PDK2: variants seen among roughly 807,000 people sequenced by gnomAD.
PDK2 encodes the protein pyruvate dehydrogenase kinase, isozyme 2.
PDK2 carries 34 observed loss-of-function variants against 50.4 expected under a neutral mutation model. That is an observed-to-expected ratio of 0.68 (90% CI 0.51 to 0.90). The LOEUF is 0.90. Ranked by LOEUF, PDK2 falls within the 40% of genes least tolerant of loss-of-function variation. PDK2 has a pLI of 0.00. For missense variants in PDK2, 377 were observed against 544.5 expected (o/e 0.69, Z 3.06); for synonymous variants, 232 against 216.0 (o/e 1.07, Z -0.65).
intron 1 of PDK2, among the ~76,000 whole-genome samples, 193 bp from the exon 2 acceptor site, chr17:50,097,230 C>T (rs1271831276): frequency 1.3e-5 from 2 of 152,164 alleles, no homozygotes; most frequent in Non-Finnish European, 2.9e-5. Flanking sequence ...GAGAGGATGA[C>T]ACCTCCTGAA....
intron 2 of PDK2, among the ~76,000 whole-genome samples, chr17:50,098,130 G>C (rs143482334): frequency 2.6e-5 from 4 of 152,348 alleles, no homozygotes; most frequent in African/African-American, 9.6e-5. Context: ...AGGCTCAGCA[G>C]AGTTCACTCA....
intron 2 of PDK2, among the ~76,000 whole-genome samples, chr17:50,100,185 A>G (rs1029204344): frequency 6.6e-6 from 1 of 152,216 alleles, no homozygotes; most frequent in African/African-American, 2.4e-5. Flanking sequence ...ATTAGTGGTC[A>G]TGGTTCATCT....
At chr17:50,105,593 A>G (rs1598213027) in intron 3 of PDK2, 151 bp downstream of exon 3, 1 of 732,100 alleles carries the variant, frequency 1.4e-6, no homozygotes, top group East Asian at 2.7e-5. Flanking sequence ...ACTCTGCTTC[A>G]GGGAGCCCCA....
At chr17:50,095,832 A>T in intron 1 of PDK2, 1 of 1,155,222 alleles carries the variant, frequency 8.7e-7, no homozygotes, top group Non-Finnish European at 1.1e-6. Context: ...TGAAGCTGTG[A>T]TGTTACTGCA....
At position 50,110,882 on chromosome 17, in the gene PDK2, CAT is replaced by C. The variant is rs959048358; in HGVS notation, c.*786_*787del. The C allele has an allele frequency of 1.6e-4, 25 of 152,530 alleles. No homozygotes were observed. The highest frequency in any genetic ancestry group is 6.0e-4 in the African/African-American group (25 of 41,560). The allele number at this position is 152,530 out of a possible 1,614,324, so 9.4% of individuals were successfully genotyped here. On this transcript the variant is annotated 3_prime_UTR_variant, in exon 11 of 11. Transcript: ENST00000503176. Reference sequence around the variant, plus strand: ...GCCCCCAGCCCCCACTGTGCCCAGACATGTGTGCTCAGGGTGGCTTTCTCCCT... The same window carrying C: ...GCCCCCAGCCCCCACTGTGCCCAGACGTGTGCTCAGGGTGGCTTTCTCCCT...
chr17:50,108,711 A>G lies in PDK2; in HGVS notation c.961A>G (p.Thr321Ala). The G allele has an allele frequency of 1.9e-6, 3 of 1,606,316 alleles. No individual in the cohort carries two copies. The highest frequency in any genetic ancestry group is 2.2e-5 in the East Asian group (1 of 44,678). The change falls in exon 9 of 11, where the codon ACG (threonine) becomes GCG (alanine). Residue 321 changes from threonine (T) to alanine (A), a missense_variant. Physicochemically the swap from Thr to Ala is moderately conservative, Grantham distance 58 (BLOSUM62 0). Around this residue, in one of 3 missense-constraint regions of PDK2, gnomAD observed 214 missense variants for 294.0 expected, o/e 0.73. Transcript: ENST00000503176. ...APTPQPGTGG[T>A]PLAGFGYGLP... ...CACCCCCCAGCCTGGCACCGGGGGA[A>G]CGCCGCTGGTGAGATGGCTTCACCC... is the stretch of plus-strand genomic sequence containing the variant.
chr17:50,106,727 C>T (rs566674216), intron 4 of PDK2, 67 bp from the exon 5 acceptor site: 337 of 1,340,150 alleles, frequency 2.5e-4, no homozygotes, highest in Non-Finnish European at 3.5e-4. Flanking sequence ...GAGGAAAGCC[C>T]GGGGGAAGAG....
At chr17:50,105,802 G>T in intron 3 of PDK2, 83 bp from the exon 4 acceptor site, 3 of 1,515,904 alleles carry the variant, frequency 2.0e-6, no homozygotes, top group South Asian at 2.6e-5. Context: ...AGGGTAGAGC[G>T]GGTGAAGACA....
At position 50,105,781 on chromosome 17, in the gene PDK2, T is replaced by C. The variant is rs570010327; in HGVS notation, c.333-104T>C. 7.6e-6 allele frequency: 11 copies of C among 1,438,538 alleles called. No homozygotes were observed. In the Admixed American group the frequency reaches 2.1e-4, roughly 28 times the overall value. The allele number at this position is 1,438,538 out of a possible 1,614,324, so 89.1% of individuals were successfully genotyped here. The stretch of plus-strand genomic sequence containing the variant: ...GAGCAGGGAGGGCACTGGGAGTCCA[T>C]CGGATTGGGAAGGGTAGAGCGGGTG... On this transcript the variant is annotated intron_variant, in intron 3 of 10. Transcript: ENST00000503176.
chr17:50,096,257 T>C, intron 1 of PDK2: 3 of 985,446 alleles, frequency 3.0e-6, no homozygotes, highest in Non-Finnish European at 3.6e-6. Context: ...AAGCCGCCTA[T>C]ACCTCCCTTG....
intron 2 of PDK2, among the ~76,000 whole-genome samples, chr17:50,102,945 C>T (rs1910313206): frequency 6.6e-6 from 1 of 152,244 alleles, no homozygotes; most frequent in African/African-American, 2.4e-5. Context: ...TCCCAACCTG[C>T]TGCTTACTAT....
At chr17:50,096,421 C>A in intron 1 of PDK2, 1 of 515,426 alleles carries the variant, frequency 1.9e-6, no homozygotes, top group Non-Finnish European at 2.5e-6. Flanking sequence ...CAGCTGGGGA[C>A]TGGGGGTGGG....
At chr17:50,108,589 C>G (rs1461933048) in intron 8 of PDK2, 23 bp from the exon 9 acceptor site, 1 of 1,577,638 alleles carries the variant, frequency 6.3e-7, no homozygotes, top group Non-Finnish European at 8.7e-7. Context: ...TAAAGAATCC[C>G]TGACACATCC....
chr17:50,103,468 C>G (rs1910337880), intron 2 of PDK2, among the ~76,000 whole-genome samples: 1 of 152,204 alleles, frequency 6.6e-6, no homozygotes, highest in South Asian at 2.1e-4. Flanking sequence ...ATAATAAGAG[C>G]AAGCATTAGA....
rs1313160125 is a variant in PDK2, at chr17:50,095,376, G to T, written c.-60G>T. Reference sequence around the variant, plus strand: ...GGCGGCCGAACCGCGTCGCTGGGCCGAAAGGTGCGCGAGCGCTGCCCGCGC... The same window carrying T: ...GGCGGCCGAACCGCGTCGCTGGGCCTAAAGGTGCGCGAGCGCTGCCCGCGC... On this transcript the variant is annotated 5_prime_UTR_variant, in exon 1 of 11. Transcript: ENST00000503176. 2.2e-5 allele frequency: 29 copies of T among 1,304,720 alleles called. No homozygotes were observed. Among genetic ancestry groups the T allele is most frequent in the Non-Finnish European group, 2.8e-5 (26 of 924,088 alleles). The allele number at this position is 1,304,720 out of a possible 1,614,324, so 80.8% of individuals were successfully genotyped here. A position where few individuals can be genotyped will look rare whatever the true frequency, so the allele number is the denominator to read the frequency against.
At chr17:50,103,480 A>C (rs1910338546) in intron 2 of PDK2, among the ~76,000 whole-genome samples, 2 of 152,212 alleles carry the variant, frequency 1.3e-5, no homozygotes, top group South Asian at 4.1e-4. Flanking sequence ...AGCATTAGAG[A>C]GTGCTCACTA....
rs143440025 is a variant in PDK2 at position 50,109,146 on chromosome 17, C to T, written c.970-141C>T. The stretch of plus-strand genomic sequence containing the variant: ...CACACACTTCTTACCTCAGTGTCCC[C>T]TCCCACATGTCCCCTCCCAGCTCTG... On this transcript the variant is annotated intron_variant, in intron 9 of 10. Coordinates refer to ENST00000503176, the MANE Select transcript of PDK2 (RefSeq NM_002611.5). The surrounding 1 kb of genome is among the most constrained non-coding windows in gnomAD (Gnocchi z 5.0). 8.0e-5 allele frequency: 48 copies of T among 600,012 alleles called. No individual in the cohort carries two copies. The highest frequency in any genetic ancestry group is 2.8e-4 in the African/African-American group (15 of 53,642). 37.2% of individuals were successfully genotyped at this position (600,012 alleles called of 1,614,324 possible).
In PDK2 at chr17:50,106,367, A is replaced by G. The variant is rs1001884719; in HGVS notation, c.517+298A>G. 32 of 640,190 alleles carry G rather than the reference A, an allele frequency of 5.0e-5. 1 individual carries two copies. Among genetic ancestry groups the G allele is most frequent in the Middle Eastern group, 9.4e-4 (2 of 2,120 alleles). The allele number at this position is 640,190 out of a possible 1,614,324, so 39.7% of individuals were successfully genotyped here. ...TATAAAAACTCTCATTATGTTCAAAAACAATTTGTTGTTTAGAGTTTCTTA... is the reference window on the plus strand; with the variant it reads ...TATAAAAACTCTCATTATGTTCAAAGACAATTTGTTGTTTAGAGTTTCTTA... On this transcript the variant is annotated intron_variant, in intron 4 of 10. Transcript: ENST00000503176.
chr17:50,095,590 CGGCGG>C, intron 1 of PDK2, 37 bp downstream of exon 1: 4 of 1,545,064 alleles, frequency 2.6e-6, no homozygotes, highest in Non-Finnish European at 3.5e-6. Context: ...CAGCGGAGGC[CGGCGG>C]GGCGCTGGGA....
Sources: allele counts gnomAD v4.1 joint callset (sites outside exome capture counted in the v4.1 genomes callset), GRCh38; gene constraint gnomAD v4.1.1; regional missense constraint gnomAD v4.1.1; non-coding constraint Gnocchi (gnomAD v3.1); transcripts MANE v1.5; gene names NCBI Gene and HGNC (gene_info 2026-07-23, HGNC 2026-07-21).